Variants in SLMAP observed in about 807,000 individuals in gnomAD.
SLMAP encodes sarcolemma associated protein, also known as sarcolemmal membrane-associated protein.
A neutral mutation model predicts 128.8 loss-of-function variants in SLMAP; 44 were observed. The observed-to-expected ratio is 0.34, with a 90% CI of 0.27 to 0.44. SLMAP has a LOEUF of 0.44. Among genes scored for constraint, SLMAP ranks in the 20% least tolerant of loss-of-function variants. The pLI, the probability that SLMAP is intolerant of heterozygous loss-of-function variation, is 1.00. For missense variants in SLMAP, 787 were observed against 985.3 expected (o/e 0.80, Z 2.69); for synonymous variants, 327 against 348.8 (o/e 0.94, Z 0.70).
rs1577884172 is a variant in SLMAP, at chr3:57,860,793, T to G, written c.782T>G (p.Val261Gly). Residue 261 changes from valine (V) to glycine (G), a missense_variant, in exon 9 of 25, where the codon GTT becomes GGT. Around this residue, in one of 2 missense-constraint regions of SLMAP, gnomAD observed 715 missense variants for 843.6 expected, o/e 0.85. Coordinates refer to ENST00000671191, the MANE Select transcript of SLMAP (RefSeq NM_001377540.1). ...ETTAKESLRR[V>G]LQEKIEVVRK... Reference sequence around the variant, plus strand: ...ACAGCCAAAGAGTCCCTGAGGCGGGTTCTTCAGGAGAAAATTGAAGTGGTT... The same window carrying G: ...ACAGCCAAAGAGTCCCTGAGGCGGGGTCTTCAGGAGAAAATTGAAGTGGTT... 11 of 1,597,464 alleles carry G rather than the reference T, an allele frequency of 6.9e-6. No individual in the cohort carries two copies. The highest frequency in any genetic ancestry group is 9.4e-6 in the Non-Finnish European group (11 of 1,175,862).
chr3:57,857,940 A>C lies in SLMAP; in HGVS notation c.615+112A>C. On this transcript the variant is annotated intron_variant, in intron 7 of 24. Coordinates refer to ENST00000671191, the MANE Select transcript of SLMAP (RefSeq NM_001377540.1). ...AGACAAAGTTATTTCCTAACTAATG[A>C]ACAAGTTGTTGAAGATTTAGCATTT... 3 of 947,374 alleles carry C rather than the reference A, an allele frequency of 3.2e-6. No individual in the cohort carries two copies. The South Asian group carries it at 4.5e-5, about 14-fold the overall frequency. 58.7% of individuals were successfully genotyped at this position (947,374 alleles called of 1,614,324 possible). A position where few individuals can be genotyped will look rare whatever the true frequency, so the allele number is the denominator to read the frequency against.
At chr3:57,880,786 G>T (rs1262025725) in intron 14 of SLMAP, among the ~76,000 whole-genome samples, 1 of 151,740 alleles carries the variant, frequency 6.6e-6, no homozygotes, top group Non-Finnish European at 1.5e-5. Context: ...CCGGGAGGCT[G>T]AGGTGGGAGG....
intron 14 of SLMAP, 100 bp from the exon 15 acceptor site, chr3:57,889,941 T>TA (rs1359742385): frequency 2.5e-6 from 2 of 798,036 alleles, no homozygotes; most frequent in East Asian, 4.9e-5. Flanking sequence ...GGAGTAATGT[T>TA]ATCATCTTTA....
chr3:57,823,050 A>C (rs564294114), intron 2 of SLMAP, among the ~76,000 whole-genome samples: 13 of 152,218 alleles, frequency 8.5e-5, no homozygotes, highest in South Asian at 2.1e-4. Context: ...TTACCACATT[A>C]CAGTATTCAA....
rs988854145 is a variant in SLMAP, at chr3:57,806,196, C to G, written c.199-25187C>G. ...TGCATTAGCCATTTGTCCTAATGCT[C>G]TCCCTCCCTTCGCCCCCTGCCCCCC... On this transcript the variant is annotated intron_variant, in intron 2 of 24. Transcript: ENST00000671191. Among the ~76,000 whole-genome samples, 7 of 152,142 alleles carry G rather than the reference C, an allele frequency of 4.6e-5. No individual in the cohort carries two copies. In the Middle Eastern group the frequency reaches 0.01, roughly 222 times the overall value.
intron 2 of SLMAP, among the ~76,000 whole-genome samples, chr3:57,826,042 T>G (rs1455820119): frequency 6.6e-6 from 1 of 152,188 alleles, no homozygotes; most frequent in Non-Finnish European, 1.5e-5. Context: ...TCTTCATTCT[T>G]TATGGTTTTA....
intron 14 of SLMAP, among the ~76,000 whole-genome samples, chr3:57,876,975 A>G (rs1335555845): frequency 6.6e-6 from 1 of 152,102 alleles, no homozygotes. Context: ...CCACTCCCCA[A>G]GGGCATCTCT....
At chr3:57,818,861 C>T (rs905720268) in intron 2 of SLMAP, among the ~76,000 whole-genome samples, 1 of 152,186 alleles carries the variant, frequency 6.6e-6, no homozygotes, top group African/African-American at 2.4e-5. Context: ...GAATGTGATA[C>T]TTTCTATTAC....
intron 3 of SLMAP, 24 bp downstream of exon 3, chr3:57,831,554 T>A (rs2093336861): frequency 1.4e-6 from 2 of 1,428,252 alleles, no homozygotes; most frequent in African/African-American, 1.5e-5. Flanking sequence ...TCACTTTTTT[T>A]ATTACTTGTC....
chr3:57,802,940 G>A (rs1274767217), intron 2 of SLMAP, among the ~76,000 whole-genome samples: 2 of 152,138 alleles, frequency 1.3e-5, no homozygotes, highest in Non-Finnish European at 2.9e-5. Flanking sequence ...TTAAAAAATG[G>A]ATGATAGCAC....
chr3:57,808,214 G>A (rs534544539), intron 2 of SLMAP, among the ~76,000 whole-genome samples: 1 of 152,112 alleles, frequency 6.6e-6, no homozygotes, highest in East Asian at 1.9e-4. Context: ...TTAGCCCCTA[G>A]ATTCATAGTT....
intron 14 of SLMAP, among the ~76,000 whole-genome samples, chr3:57,874,936 C>T (rs1338539769): frequency 6.6e-6 from 1 of 150,858 alleles, no homozygotes; most frequent in Admixed American, 6.6e-5. Context: ...GTATAAAATA[C>T]TTAGCTATAT....
At chr3:57,889,932 G>A in intron 14 of SLMAP, 109 bp from the exon 15 acceptor site, 1 of 742,884 alleles carries the variant, frequency 1.3e-6, no homozygotes, top group East Asian at 2.5e-5. Context: ...TTGGTCATAG[G>A]AGTAATGTTA....
intron 2 of SLMAP, among the ~76,000 whole-genome samples, chr3:57,809,013 CCTT>C (rs2090439186): frequency 6.6e-6 from 1 of 152,118 alleles, no homozygotes; most frequent in Admixed American, 6.5e-5. Flanking sequence ...TACGTAATGC[CCTT>C]CTTTGTCATG....
intron 4 of SLMAP, among the ~76,000 whole-genome samples, chr3:57,846,185 T>A (rs2094242443): frequency 6.6e-6 from 1 of 152,204 alleles, no homozygotes; most frequent in African/African-American, 2.4e-5. Context: ...CTATATTGAT[T>A]AGGCAATTTG....
At chr3:57,768,161 A>G (rs2080108406) in intron 2 of SLMAP, among the ~76,000 whole-genome samples, 1 of 152,216 alleles carries the variant, frequency 6.6e-6, no homozygotes, top group African/African-American at 2.4e-5. Flanking sequence ...AAAGAAGGAA[A>G]GCTTATATAG....
At chr3:57,911,779 G>A (rs2096705393) in intron 19 of SLMAP, among the ~76,000 whole-genome samples, 1 of 152,084 alleles carries the variant, frequency 6.6e-6, no homozygotes, top group African/African-American at 2.4e-5. Context: ...GAGAATGACA[G>A]TGAGCTGTTT....
rs139389805 is a variant in SLMAP, at chr3:57,761,211, A to T, written c.198+3362A>T. ...TTTAGACAACACTGTGCAATTTGCT[A>T]TAGTGCTATGGAGTCTTAGGAAGGT... is the stretch of plus-strand genomic sequence containing the variant. On this transcript the variant is annotated intron_variant, in intron 2 of 24. Transcript: ENST00000671191. Among the ~76,000 whole-genome samples, 228 of 152,276 alleles carry T rather than the reference A, an allele frequency of 1.5e-3. 1 individual carries two copies. The highest frequency in any genetic ancestry group is 3.4e-3 in the Middle Eastern group (1 of 294).
intron 14 of SLMAP, among the ~76,000 whole-genome samples, chr3:57,889,135 T>C (rs2095992972): frequency 2.0e-5 from 3 of 152,164 alleles, no homozygotes; most frequent in Non-Finnish European, 4.4e-5. Context: ...CCACCCGCCT[T>C]GGCCTCCCAA....
Sources: gnomAD v4.1 joint callset for allele counts (sites outside exome capture counted in the v4.1 genomes callset) on GRCh38, gnomAD v4.1.1 for gene constraint, gnomAD v4.1.1 regional missense constraint, MANE v1.5 for transcripts, NCBI Gene and HGNC (gene_info 2026-07-23, HGNC 2026-07-21) for gene names.